The following SLC8A1 variants were observed in gnomAD, a reference collection of about 807,000 sequenced individuals.
SLC8A1 encodes the protein sodium/calcium exchanger 1.
In SLC8A1, 18 loss-of-function variants were observed where a neutral mutation model predicts 68.3. That is an observed-to-expected ratio of 0.26 (90% confidence interval 0.18 to 0.39). The LOEUF is 0.39. Ranked by LOEUF, SLC8A1 falls within the 10% of genes least tolerant of loss-of-function variation. The probability of loss-of-function intolerance (pLI) is 1.00; values close to 1 mark genes in which losing one functional copy is unlikely to be tolerated. For synonymous variants in SLC8A1, 475 were observed against 415.5 expected, an observed-to-expected ratio of 1.14 and a Z score of -1.74; for missense variants, 985 against 1,156.7, an observed-to-expected ratio of 0.85 and a Z score of 2.15.
chr2:40,407,432 A>G (rs895398236), intron 2 of SLC8A1, among the ~76,000 whole-genome samples: 1 of 152,248 alleles, frequency 6.6e-6, no homozygotes, highest in South Asian at 2.1e-4. Context: ...TGCTATCTAT[A>G]CTTCCTTCAC....
chr2:40,195,870 G>A lies in SLC8A1; in HGVS notation c.1809-18015C>T, dbSNP rs2052885431. On this transcript the variant is annotated intron_variant, in intron 2 of 7. Transcript: ENST00000406785. ...GTGAGCTAATAGACTTTTTTCCAAAGGAGTGACCTTAAAAGAAAAATCAAA... is the reference window on the plus strand; with the variant it reads ...GTGAGCTAATAGACTTTTTTCCAAAAGAGTGACCTTAAAAGAAAAATCAAA... 3.3e-5 allele frequency: 5 copies of A among 152,050 alleles called. No individual in the cohort carries two copies. In the South Asian group the frequency reaches 1.0e-3, roughly 32 times the overall value. 9.4% of individuals were successfully genotyped at this position (152,050 alleles called of 1,614,324 possible). A position where few individuals can be genotyped will look rare whatever the true frequency, so the allele number is the denominator to read the frequency against.
intron 1 of SLC8A1, among the ~76,000 whole-genome samples, chr2:40,469,767 G>T (rs1361916805): frequency 2.0e-5 from 3 of 151,866 alleles, no homozygotes; most frequent in Non-Finnish European, 4.4e-5. Flanking sequence ...GGATTTTGTT[G>T]TGTATATATC....
At chr2:40,218,446 T>C (rs954991627) in intron 2 of SLC8A1, among the ~76,000 whole-genome samples, 1 of 152,232 alleles carries the variant, frequency 6.6e-6, no homozygotes, top group Non-Finnish European at 1.5e-5. Flanking sequence ...ACATATTTGA[T>C]TGGTACAAAA....
At chr2:40,466,082 G>A (rs1455479476) in intron 1 of SLC8A1, among the ~76,000 whole-genome samples, 1 of 152,068 alleles carries the variant, frequency 6.6e-6, no homozygotes, top group African/African-American at 2.4e-5. Context: ...ATAAATGTCT[G>A]TTCTCTATAA....
chr2:40,120,578 A>G (rs554146616), intron 7 of SLC8A1: 6 of 152,266 alleles, frequency 3.9e-5, no homozygotes, highest in African/African-American at 1.2e-4. Context: ...TTTATATGCA[A>G]TGTTTGATTT....
intron 2 of SLC8A1, among the ~76,000 whole-genome samples, chr2:40,339,892 C>T (rs995351564): frequency 6.6e-6 from 1 of 152,200 alleles, no homozygotes; most frequent in African/African-American, 2.4e-5. Flanking sequence ...TATCCTATTG[C>T]ATACCTATTG....
chr2:40,350,586 G>T (rs1198005482), intron 2 of SLC8A1, among the ~76,000 whole-genome samples: 1 of 14,098 alleles, frequency 7.1e-5, no homozygotes, highest in Non-Finnish European at 1.3e-4. Context: ...ACCCAGACAA[G>T]CAAAAAAAAA....
In SLC8A1 at chr2:40,288,834, C is replaced by CATATAT. The variant is rs145077257; in HGVS notation, c.1809-110985_1809-110980dup. ...TTCGAAAATGTCTCTACTAAGTAAT[C>CATATAT]ATATATATATATATATATGTATATA... On this transcript the variant is annotated intron_variant, in intron 2 of 7. Coordinates refer to ENST00000406785, the Ensembl canonical transcript of SLC8A1. 8.2e-3 allele frequency among the ~76,000 whole-genome samples: 1,082 copies of CATATAT among 132,638 alleles called. 48 individuals are homozygous for CATATAT. Among genetic ancestry groups the CATATAT allele is most frequent in the African/African-American group, 0.035 (1,015 of 29,370 alleles). 87.0% of individuals were successfully genotyped at this position (132,638 alleles called of 152,430 possible).
At chr2:40,288,408 A>G (rs2068680937) in intron 2 of SLC8A1, among the ~76,000 whole-genome samples, 1 of 152,148 alleles carries the variant, frequency 6.6e-6, no homozygotes, top group Non-Finnish European at 1.5e-5. Context: ...TCCACCAGGG[A>G]TGATCTGGCT....
At chr2:40,137,387 T>G (rs960648739) in intron 7 of SLC8A1, among the ~76,000 whole-genome samples, 2 of 152,184 alleles carry the variant, frequency 1.3e-5, no homozygotes, top group African/African-American at 4.8e-5. Flanking sequence ...TTTGGACAAT[T>G]GTTATAAGAG....
chr2:40,449,253 G>A (rs1702007328), intron 1 of SLC8A1, among the ~76,000 whole-genome samples: 1 of 151,532 alleles, frequency 6.6e-6, no homozygotes. Context: ...TGAGCTAAAT[G>A]AATGCCTTGG....
At chr2:40,322,268 T>A (rs1278764447) in intron 2 of SLC8A1, among the ~76,000 whole-genome samples, 2 of 152,110 alleles carry the variant, frequency 1.3e-5, no homozygotes, top group Non-Finnish European at 2.9e-5. Context: ...AACCTTTCTT[T>A]TTTTCATTCC....
At position 40,258,661 on chromosome 2, in the gene SLC8A1, T is replaced by G. The variant is rs149051784; in HGVS notation, c.1809-80806A>C. On this transcript the variant is annotated intron_variant, in intron 2 of 7. Transcript: ENST00000406785. The stretch of plus-strand genomic sequence containing the variant: ...TTTGAGACCAGCCTGGCCAACATGG[T>G]GAAACCCCCGTCTCTACTAAAAATA... 1.2e-3 allele frequency among the ~76,000 whole-genome samples: 177 copies of G among 152,108 alleles called. 1 individual carries two copies. The East Asian group carries it at 0.013, about 11-fold the overall frequency.
intron 2 of SLC8A1, among the ~76,000 whole-genome samples, chr2:40,184,763 C>A (rs373609518): frequency 6.6e-6 from 1 of 151,966 alleles, no homozygotes; most frequent in South Asian, 2.1e-4. Context: ...AAAGACCTGA[C>A]CCAGGACTGA....
chr2:40,458,341 T>C (rs1375951100), intron 1 of SLC8A1, among the ~76,000 whole-genome samples: 2 of 152,242 alleles, frequency 1.3e-5, no homozygotes, highest in East Asian at 3.9e-4. Flanking sequence ...ATCTAGAAAG[T>C]CCAGTCCATT....
At chr2:40,270,286 A>G (rs1308374649) in intron 2 of SLC8A1, among the ~76,000 whole-genome samples, 1 of 152,154 alleles carries the variant, frequency 6.6e-6, no homozygotes, top group Non-Finnish European at 1.5e-5. Flanking sequence ...ATGGTGTAGG[A>G]AGGTATATTC....
exon 8 of SLC8A1, chr2:40,115,271 G>A (rs1305873183): frequency 6.2e-7 from 1 of 1,611,258 alleles, no homozygotes; most frequent in Non-Finnish European, 8.5e-7. Flanking sequence ...CTTTTATGTG[G>A]CAGTAGGCCT....
chr2:40,484,063 G>C (rs1704802311), intron 1 of SLC8A1, among the ~76,000 whole-genome samples: 1 of 152,220 alleles, frequency 6.6e-6, no homozygotes, highest in African/African-American at 2.4e-5. Flanking sequence ...CCAATGCATA[G>C]AGAGGGTATA....
chr2:40,440,114 T>C (rs780769451), intron 1 of SLC8A1, among the ~76,000 whole-genome samples: 20 of 152,236 alleles, frequency 1.3e-4, no homozygotes, highest in Admixed American at 3.3e-4. Flanking sequence ...AGTAGAGAAA[T>C]ACATGGTTTT....
Sources: allele counts gnomAD v4.1 joint callset (sites outside exome capture counted in the v4.1 genomes callset), GRCh38; gene constraint gnomAD v4.1.1; transcripts MANE v1.5; gene names NCBI Gene and HGNC (gene_info 2026-07-23, HGNC 2026-07-21).